The following CSF2RA variants were observed in gnomAD, a reference collection of about 807,000 sequenced individuals.
CSF2RA encodes colony stimulating factor 2 receptor subunit alpha.
Under a neutral mutation model 51.6 loss-of-function variants are expected in CSF2RA, and 42 were observed. That is an observed-to-expected ratio of 0.81 (90% CI 0.64 to 1.05). The LOEUF (loss-of-function observed/expected upper bound fraction) is 1.05. CSF2RA is among the 50% of genes least tolerant of loss of function. The probability of loss-of-function intolerance (pLI) is 0.00; values close to 1 mark genes in which losing one functional copy is unlikely to be tolerated. For synonymous variants in CSF2RA, 222 were observed against 193.0 expected (o/e 1.15, Z -1.24); for missense variants, 530 against 501.1 (o/e 1.06, Z -0.55).
chrX:1,273,501 T>G (rs1392583802), intron 1 of CSF2RA, among the ~76,000 whole-genome samples: 18 of 151,514 alleles, frequency 1.2e-4, no homozygotes, highest in South Asian at 1.0e-3. Context: ...GTTTTTTGTT[T>G]TTTTTTTAGT....
At position 1,274,797 on chromosome X, in the gene CSF2RA, G is replaced by A; in HGVS notation, c.-48G>A. On this transcript the variant is annotated 5_prime_UTR_variant, in exon 2 of 13. Coordinates refer to ENST00000381529, the MANE Select transcript of CSF2RA (RefSeq NM_172245.4). ...CGTGGAGACAGCAGATCCGAGAAGC[G>A]GCGATGTTTGCGTAGAACCCTGTAC... The A allele has an allele frequency of 2.2e-6, 1 of 453,490 alleles. No homozygotes were observed. Among genetic ancestry groups the A allele is most frequent in the South Asian group, 1.6e-5 (1 of 64,454 alleles). The allele number at this position is 453,490 out of a possible 1,614,324, so 28.1% of individuals were successfully genotyped here. A position where few individuals can be genotyped will look rare whatever the true frequency, so the allele number is the denominator to read the frequency against.
chrX:1,314,493 CTG>C (rs2084394509), downstream of CSF2RA, among the ~76,000 whole-genome samples: 10 of 144,086 alleles, frequency 6.9e-5, no homozygotes, highest in East Asian at 1.2e-3. Context: ...CCCAACCCCA[CTG>C]TGCCTGCCCA....
At chrX:1,301,488 T>A (rs2082916463) in intron 10 of CSF2RA, among the ~76,000 whole-genome samples, 2 of 151,418 alleles carry the variant, frequency 1.3e-5, no homozygotes, top group African/African-American at 4.9e-5. Flanking sequence ...CCTCCTAAAG[T>A]CCCACCTCCC....
chrX:1,272,221 T>C (rs752258084), intron 1 of CSF2RA, among the ~76,000 whole-genome samples: 287 of 152,094 alleles, frequency 1.9e-3, no homozygotes, highest in Non-Finnish European at 3.2e-3. Context: ...CCCAGTGTGC[T>C]AGGATTACAG....
chrX:1,316,375 A>G, the CSF2RA span, among the ~76,000 whole-genome samples: 187 of 152,218 alleles, frequency 1.2e-3, no homozygotes, highest in African/African-American at 4.1e-3. Flanking sequence ...GGAAGTTGGA[A>G]CTGATCTCAC....
chrX:1,273,467 A>G (rs1181074494), intron 1 of CSF2RA, among the ~76,000 whole-genome samples: 2 of 151,954 alleles, frequency 1.3e-5, no homozygotes, highest in Non-Finnish European at 2.9e-5. Flanking sequence ...TGCATGAGCC[A>G]TCGTGCCCAG....
rs1380463455 is a variant in CSF2RA at position 1,305,427 on chromosome X, C to T, written c.1044-19C>T. The T allele has an allele frequency of 6.2e-7, 1 of 1,613,870 alleles. No homozygotes were observed. ...TGACCCGGGGTTCATTCTCTTCACA[C>T]TTTTTCTCTGTGTCTCAGGTTCCTT... On this transcript the variant is annotated intron_variant, in intron 11 of 12. Transcript: ENST00000381529.
Position 1,300,525 on chromosome X carries a change from A to G in CSF2RA, c.845A>G (p.Asn282Ser), listed in dbSNP as rs1414815824. 1 of 1,613,922 alleles carries G rather than the reference A, an allele frequency of 6.2e-7. No individual in the cohort carries two copies. Among genetic ancestry groups the G allele is most frequent in the East Asian group, 2.2e-5 (1 of 44,880 alleles). ...TCTGGTGATTTGGAAAATAGATACA[A>G]CTTTCCAAGCTCTGAGCCCAGAGCA... ...NVSGDLENRY[N>S]FPSSEPRAKH... Residue 282 changes from asparagine to serine, a missense_variant, in exon 10 of 13, where the codon AAC becomes AGC. By Grantham distance (46) the Asn-to-Ser change is conservative (BLOSUM62 1). Coordinates refer to ENST00000381529, the MANE Select transcript of CSF2RA (RefSeq NM_172245.4).
In CSF2RA at chrX:1,279,018, C is replaced by CA. The variant is rs2089558617; in HGVS notation, c.-26-3659dup. Among the ~76,000 whole-genome samples the CA allele has an allele frequency of 2.0e-5, 3 of 151,310 alleles. No individual in the cohort carries two copies. In the South Asian group the frequency reaches 6.3e-4, roughly 32 times the overall value. On this transcript the variant is annotated intron_variant, in intron 2 of 12. Coordinates refer to ENST00000381529, the MANE Select transcript of CSF2RA (RefSeq NM_172245.4). ...CGCCACTGTACTCCAGCCTGGGCGA[C>CA]AGAGTGAGACTCCATCTCCAAAAAA...
At chrX:1,317,571 T>TA in the CSF2RA span, among the ~76,000 whole-genome samples, 1 of 122,412 alleles carries the variant, frequency 8.2e-6, no homozygotes, top group Non-Finnish European at 1.6e-5. Flanking sequence ...TTATTTTATT[T>TA]TATTTTTTTT....
chrX:1,290,262 TTTTTG>T lies in CSF2RA; in HGVS notation c.474-63_474-59del, dbSNP rs1439986051. On this transcript the variant is annotated intron_variant, in intron 6 of 12. Coordinates refer to ENST00000381529, the MANE Select transcript of CSF2RA (RefSeq NM_172245.4). ...GTTTTTGTGTTTTGTTTTGTGTTTG[TTTTTG>T]TTTTGTTTTGTGTTTTTGTGTTTTG... The T allele has an allele frequency of 1.0e-5, 13 of 1,240,084 alleles. No homozygotes were observed. The East Asian group carries it at 2.3e-4, about 22-fold the overall frequency. The allele number at this position is 1,240,084 out of a possible 1,614,324, so 76.8% of individuals were successfully genotyped here. A position where few individuals can be genotyped will look rare whatever the true frequency, so the allele number is the denominator to read the frequency against.
intron 2 of CSF2RA, among the ~76,000 whole-genome samples, chrX:1,281,080 C>CCTG: frequency 1.4e-5 from 1 of 70,854 alleles, no homozygotes; most frequent in Non-Finnish European, 2.7e-5. Flanking sequence ...TCCTCCTCCT[C>CCTG]CTTCTCCTCC....
chrX:1,269,251 G>GGCGTTGGGGTGTAGTA (rs1425195849), intron 1 of CSF2RA, among the ~76,000 whole-genome samples: 1 of 152,184 alleles, frequency 6.6e-6, no homozygotes, highest in East Asian at 1.9e-4. Context: ...TAAGCTACAG[G>GGCGTTGGGGTGTAGTA]GCGTTGGGGT....
downstream of CSF2RA, among the ~76,000 whole-genome samples, chrX:1,311,635 A>G (rs1164913145): frequency 6.6e-6 from 1 of 151,934 alleles, no homozygotes; most frequent in Non-Finnish European, 1.5e-5. Context: ...TAGTAGAGAC[A>G]GGGTTTCACC....
At chrX:1,288,665 C>T in intron 5 of CSF2RA, 23 bp downstream of exon 5, 1 of 1,613,924 alleles carries the variant, frequency 6.2e-7, no homozygotes, top group South Asian at 1.1e-5. Context: ...GCTCAGGGAT[C>T]CGTTTACAGC....
downstream of CSF2RA, among the ~76,000 whole-genome samples, chrX:1,312,561 G>A (rs1448989447): frequency 6.6e-6 from 1 of 152,076 alleles, no homozygotes; most frequent in Admixed American, 6.6e-5. Context: ...TCCCACATGG[G>A]ATTAGGACAT....
At chrX:1,280,910 TCTCCTC>T (rs1250477697) in intron 2 of CSF2RA, among the ~76,000 whole-genome samples, 19 of 33,250 alleles carry the variant, frequency 5.7e-4, no homozygotes, top group South Asian at 1.2e-3. Context: ...TCCTGCTCCT[TCTCCTC>T]CTCCTCCTCC....
At chrX:1,281,339 CCTT>C (rs1267397029) in intron 2 of CSF2RA, among the ~76,000 whole-genome samples, 4 of 131,802 alleles carry the variant, frequency 3.0e-5, no homozygotes, top group Non-Finnish European at 1.6e-5. Context: ...TCCTCCTCCT[CCTT>C]CTCCTCTTCC....
intron 12 of CSF2RA, 122 bp from the exon 13 acceptor site, chrX:1,309,280 A>C: frequency 9.9e-7 from 1 of 1,015,120 alleles, no homozygotes; most frequent in South Asian, 1.3e-5. Context: ...ACACCACTGC[A>C]CTCCAGCCTG....
Sources: gnomAD v4.1 joint callset for allele counts (sites outside exome capture counted in the v4.1 genomes callset) on GRCh38, gnomAD v4.1.1 for gene constraint, MANE v1.5 for transcripts, NCBI Gene and HGNC (gene_info 2026-07-23, HGNC 2026-07-21) for gene names.